The following AGBL4 variants were observed in gnomAD, a reference collection of about 807,000 sequenced individuals.
AGBL4 encodes AGBL carboxypeptidase 4.
AGBL4 carries 58 observed loss-of-function variants against 66.4 expected under a neutral mutation model. The ratio of observed to expected loss-of-function variants is 0.87; its 90% CI spans 0.71 to 1.09. AGBL4 has a LOEUF of 1.09. Ranked by LOEUF, AGBL4 falls within the 50% of genes least tolerant of loss-of-function variation. The pLI, the probability that AGBL4 is intolerant of heterozygous loss-of-function variation, is 0.00. For synonymous variants in AGBL4, 234 were observed against 222.9 expected, an observed-to-expected ratio of 1.05 and a Z score of -0.44; for missense variants, 579 against 631.0, an observed-to-expected ratio of 0.92 and a Z score of 0.88.
At chr1:49,592,305 T>TA (rs1644766018) in intron 3 of AGBL4, among the ~76,000 whole-genome samples, 1 of 152,162 alleles carries the variant, frequency 6.6e-6, no homozygotes, top group South Asian at 2.1e-4. Flanking sequence ...GCTCAGTGGC[T>TA]CACACCTGTA....
intron 6 of AGBL4, among the ~76,000 whole-genome samples, chr1:48,798,665 G>T (rs571671556): frequency 6.6e-6 from 1 of 152,190 alleles, no homozygotes; most frequent in Non-Finnish European, 1.5e-5. Context: ...TTAAATCTTT[G>T]ATCTATTTTG....
chr1:48,972,422 A>C (rs943170530), intron 5 of AGBL4, among the ~76,000 whole-genome samples: 1 of 152,094 alleles, frequency 6.6e-6, no homozygotes, highest in African/African-American at 2.4e-5. Context: ...GTTGTGTCTT[A>C]TTTTTAGCTT....
chr1:48,663,029 A>G, intron 7 of AGBL4, 123 bp downstream of exon 7: 1 of 864,058 alleles, frequency 1.2e-6, no homozygotes, highest in East Asian at 2.5e-5. Context: ...AAATCTCTTT[A>G]AAGAAATGCA....
intron 6 of AGBL4, among the ~76,000 whole-genome samples, chr1:48,737,993 T>C (rs1649332169): frequency 1.3e-5 from 2 of 152,190 alleles, no homozygotes. Flanking sequence ...GAGACATCTC[T>C]GGAGAGGTCC....
intron 11 of AGBL4, among the ~76,000 whole-genome samples, chr1:48,580,480 G>T (rs1310517292): frequency 6.6e-6 from 1 of 152,230 alleles, no homozygotes; most frequent in African/African-American, 2.4e-5. Context: ...CAGCCTATTT[G>T]AGACAGGTCT....
chr1:49,938,524 C>T (rs1306495584), intron 1 of AGBL4, among the ~76,000 whole-genome samples: 1 of 152,106 alleles, frequency 6.6e-6, no homozygotes, highest in Non-Finnish European at 1.5e-5. Flanking sequence ...ATACCAAAGC[C>T]GGGCAGAGAC....
intron 2 of AGBL4, among the ~76,000 whole-genome samples, chr1:49,788,710 T>G (rs1644520289): frequency 6.6e-6 from 1 of 152,192 alleles, no homozygotes; most frequent in South Asian, 2.1e-4. Flanking sequence ...ATATCTGCTC[T>G]GAATAACACA....
chr1:49,366,798 A>ATT (rs1292451193), intron 3 of AGBL4, among the ~76,000 whole-genome samples: 25 of 152,326 alleles, frequency 1.6e-4, no homozygotes, highest in African/African-American at 5.1e-4. Context: ...AATTTGCTAG[A>ATT]TAATAGAGTC....
At chr1:49,593,539 C>T (rs1262651737) in intron 3 of AGBL4, among the ~76,000 whole-genome samples, 1 of 152,144 alleles carries the variant, frequency 6.6e-6, no homozygotes, top group African/African-American at 2.4e-5. Flanking sequence ...ATGCAATTAT[C>T]ATCTTAAAAA....
chr1:49,611,495 C>A (rs947249128), intron 3 of AGBL4, among the ~76,000 whole-genome samples: 1 of 151,538 alleles, frequency 6.6e-6, no homozygotes, highest in African/African-American at 2.4e-5. Flanking sequence ...CCTGCCTCAG[C>A]CTCCCAAGTA....
chr1:49,296,851 A>C (rs1325293921), intron 3 of AGBL4, among the ~76,000 whole-genome samples: 1 of 152,234 alleles, frequency 6.6e-6, no homozygotes, highest in East Asian at 1.9e-4. Flanking sequence ...CAATGTCATA[A>C]ATGCAGTGAA....
At chr1:49,838,469 C>T (rs776691371) in intron 2 of AGBL4, among the ~76,000 whole-genome samples, 3 of 152,158 alleles carry the variant, frequency 2.0e-5, no homozygotes, top group Admixed American at 6.5e-5. Flanking sequence ...CACTACAGAG[C>T]AAAGGTGGAA....
intron 3 of AGBL4, among the ~76,000 whole-genome samples, chr1:49,465,902 G>A (rs567688593): frequency 1.3e-4 from 19 of 151,968 alleles, no homozygotes; most frequent in East Asian, 7.8e-4. Flanking sequence ...TGAAGAAGGC[G>A]TCTTAAGGGA....
intron 4 of AGBL4, among the ~76,000 whole-genome samples, chr1:49,210,286 A>C (rs1648565069): frequency 6.6e-6 from 1 of 152,248 alleles, no homozygotes; most frequent in Admixed American, 6.5e-5. Context: ...AACAAAGCAA[A>C]GTATCTCCCT....
intron 1 of AGBL4, among the ~76,000 whole-genome samples, chr1:49,957,632 T>C (rs1475940768): frequency 1.3e-5 from 2 of 152,078 alleles, no homozygotes; most frequent in African/African-American, 4.8e-5. Context: ...TTTGTCTCTT[T>C]TGATCTTTGT....
At chr1:49,301,385 A>G (rs1644742418) in intron 3 of AGBL4, among the ~76,000 whole-genome samples, 1 of 152,208 alleles carries the variant, frequency 6.6e-6, no homozygotes, top group Non-Finnish European at 1.5e-5. Context: ...GCTAATCACT[A>G]TGTGTGGGCT....
chr1:49,627,972 G>C (rs936253921), intron 3 of AGBL4, among the ~76,000 whole-genome samples: 1 of 152,048 alleles, frequency 6.6e-6, no homozygotes, highest in Non-Finnish European at 1.5e-5. Context: ...ATATCCAATC[G>C]CAGATAAGCT....
chr1:49,021,703 A>G (rs750182682), intron 5 of AGBL4, among the ~76,000 whole-genome samples: 1 of 152,198 alleles, frequency 6.6e-6, no homozygotes, highest in Non-Finnish European at 1.5e-5. Flanking sequence ...ACACTGACCA[A>G]GACATAGTAT....
At chr1:49,014,988 A>G (rs1662706536) in intron 5 of AGBL4, among the ~76,000 whole-genome samples, 1 of 152,216 alleles carries the variant, frequency 6.6e-6, no homozygotes, top group Admixed American at 6.5e-5. Flanking sequence ...GTATTTCCAT[A>G]GAAATCTGCA....
Sources: gnomAD v4.1 joint callset for allele counts (sites outside exome capture counted in the v4.1 genomes callset) on GRCh38, gnomAD v4.1.1 for gene constraint, MANE v1.5 for transcripts, NCBI Gene and HGNC (gene_info 2026-07-23, HGNC 2026-07-21) for gene names.